Variants in SPG7 observed in about 807,000 individuals in gnomAD.
The protein encoded by SPG7 is SPG7 matrix AAA peptidase subunit, paraplegin.
SPG7 carries 103 observed loss-of-function variants against 81.9 expected under a neutral mutation model. That is an observed-to-expected ratio of 1.26 (90% CI 1.07 to 1.48). SPG7 has a LOEUF of 1.48. Ranked by LOEUF, SPG7 falls within the 40% of genes most tolerant of loss-of-function variation. The pLI, the probability that SPG7 is intolerant of heterozygous loss-of-function variation, is 0.00. For missense variants in SPG7, 1,241 were observed against 1,087.3 expected, an observed-to-expected ratio of 1.14 and a Z score of -1.99; for synonymous variants, 534 against 444.2, an observed-to-expected ratio of 1.20 and a Z score of -2.54.
At chr16:89,547,178 G>A (rs907373335) in intron 11 of SPG7, 3 of 236,066 alleles carry the variant, frequency 1.3e-5, no homozygotes, top group African/African-American at 6.7e-5. Flanking sequence ...TTCCTGCTGT[G>A]TGGTTCACAT....
intron 16 of SPG7, chr16:89,555,518 C>G (rs1183512071): frequency 5.3e-6 from 1 of 190,372 alleles, no homozygotes; most frequent in African/African-American, 2.3e-5. Context: ...GTTGGGTCCA[C>G]ACGTGATTCA....
At position 89,557,016 on chromosome 16, in the gene SPG7, CAG is replaced by C. The variant is rs774035870; in HGVS notation, c.2312_2313del (p.Gln771ArgfsTer62). 1 of 1,613,590 alleles carries C rather than the reference CAG, an allele frequency of 6.2e-7. No homozygotes were observed. Among genetic ancestry groups the C allele is most frequent in the South Asian group, 1.1e-5 (1 of 91,060 alleles). On this transcript the variant is annotated frameshift_variant, in exon 17 of 17. Coordinates refer to ENST00000645818, the MANE Select transcript of SPG7 (RefSeq NM_003119.4). LOFTEE classifies it low-confidence loss of function (END_TRUNC). ...GTGGATCGACGCCCAGAGGGAGAAA[CAG>C]GACTTGGGCGAGGAGGAGACCGAAG... Reference protein sequence around the residue: ...QRWIDAQREKQDLGEEETEET... With the variant: ...QRWIDAQREKXDLGEEETEET...
chr16:89,511,919 A>G (rs200190035), intron 2 of SPG7, among the ~76,000 whole-genome samples: 2 of 144,786 alleles, frequency 1.4e-5, no homozygotes, highest in Non-Finnish European at 3.0e-5. Context: ...GTTGTTTATT[A>G]TTATTTTTTT....
In SPG7 at chr16:89,554,588, G is replaced by A. The variant is rs376260661; in HGVS notation, c.2181+25G>A. The A allele has an allele frequency of 2.2e-5, 35 of 1,558,008 alleles. 1 individual carries two copies. The South Asian group carries it at 3.2e-4, about 14-fold the overall frequency. On this transcript the variant is annotated intron_variant, in intron 16 of 16. Transcript: ENST00000645818. Reference sequence around the variant, plus strand: ...GGTGAGGCCCTGGCCAGGCGTGGGGGCTACGGCGTCACACAGTGTCCACAC... The same window carrying A: ...GGTGAGGCCCTGGCCAGGCGTGGGGACTACGGCGTCACACAGTGTCCACAC...
At chr16:89,537,544 T>C (rs1432834862) in intron 9 of SPG7, 36 of 987,616 alleles carry the variant, frequency 3.6e-5, no homozygotes, top group South Asian at 2.8e-4. Flanking sequence ...ACTTTTTTTT[T>C]CTTCAGAGAC....
intron 3 of SPG7, chr16:89,518,630 C>T (rs1276824186): frequency 1.3e-5 from 2 of 151,906 alleles, no homozygotes; most frequent in African/African-American, 4.8e-5. Context: ...TCACTGATAA[C>T]GCGGGTGAAC....
At position 89,554,681 on chromosome 16, in the gene SPG7, A is replaced by G. The variant is rs111682221; in HGVS notation, c.2181+118A>G. ...CACACAGAGTACAGAGAACACTCTG[A>G]CCGATGTGAATTCTACCCAGCTCAA... is the stretch of plus-strand genomic sequence containing the variant. On this transcript the variant is annotated intron_variant, in intron 16 of 16. Coordinates refer to ENST00000645818, the MANE Select transcript of SPG7 (RefSeq NM_003119.4). 1.9e-3 allele frequency: 1,381 copies of G among 724,808 alleles called. 16 individuals are homozygous for G. In the African/African-American group the frequency reaches 0.022, roughly 11 times the overall value. The allele number at this position is 724,808 out of a possible 1,614,324, so 44.9% of individuals were successfully genotyped here.
Position 89,531,024 on chromosome 16 carries a change from A to G in SPG7, c.987+216A>G, listed in dbSNP as rs113166127. 2,730 of 664,732 alleles carry G rather than the reference A, an allele frequency of 4.1e-3. 58 individuals carry two copies. In the African/African-American group the frequency reaches 0.042, roughly 10 times the overall value. The allele number at this position is 664,732 out of a possible 1,614,324, so 41.2% of individuals were successfully genotyped here. On this transcript the variant is annotated intron_variant, in intron 7 of 16. Coordinates refer to ENST00000645818, the MANE Select transcript of SPG7 (RefSeq NM_003119.4). ...ATGGTTCAGCCAAGCAGAGGCTGCC[A>G]AGACCCATGCCTACTGTGCCGTTAG... is the stretch of plus-strand genomic sequence containing the variant.
In SPG7 at chr16:89,508,451, C is replaced by G; in HGVS notation, c.34C>G (p.Arg12Gly). The G allele has an allele frequency of 2.0e-6, 3 of 1,503,328 alleles. No individual in the cohort carries two copies. Among genetic ancestry groups the G allele is most frequent in the Non-Finnish European group, 2.6e-6 (3 of 1,133,206 alleles). The allele number at this position is 1,503,328 out of a possible 1,614,324, so 93.1% of individuals were successfully genotyped here. A position where few individuals can be genotyped will look rare whatever the true frequency, so the allele number is the denominator to read the frequency against. ...AVLLLLLRALRRGPGPGPRPL... is the reference protein window; with the variant it reads ...AVLLLLLRALGRGPGPGPRPL... ...GCTGCTGCTGCTGCTCCGTGCCCTCCGCCGGGGTCCAGGCCCGGGTCCTCG... is the reference window on the plus strand; with the variant it reads ...GCTGCTGCTGCTGCTCCGTGCCCTCGGCCGGGGTCCAGGCCCGGGTCCTCG... The change falls in exon 1 of 17, where the codon CGC (arginine) becomes GGC (glycine). Residue 12 changes from arginine (R) to glycine (G), a missense_variant. Physicochemically the swap from Arg to Gly is moderately radical, Grantham distance 125 (BLOSUM62 -2). Transcript: ENST00000645818.
intron 16 of SPG7, 66 bp from the exon 17 acceptor site, chr16:89,556,821 C>A: frequency 7.6e-7 from 1 of 1,317,794 alleles, no homozygotes; most frequent in Non-Finnish European, 1.1e-6. Context: ...CTTGCCACCT[C>A]CCCAGGACAT....
intron 9 of SPG7, chr16:89,538,981 C>T (rs1216558947): frequency 6.8e-6 from 1 of 146,924 alleles, no homozygotes; most frequent in African/African-American, 2.7e-5. Flanking sequence ...TGTGGGAAAC[C>T]CAGGCAGGAG....
Position 89,508,485 on chromosome 16 carries a change from G to A in SPG7, c.68G>A (p.Trp23Ter). ...CCAGGCCCGGGTCCTCGGCCGCTGT[G>A]GGGCCCAGGCCCGGCCTGGAGTCCA... is the stretch of plus-strand genomic sequence containing the variant. ...RGPGPGPRPL[W>*]GPGPAWSPGF... The change falls in exon 1 of 17, where the codon TGG becomes TAG. Residue 23 changes from tryptophan to a stop codon, truncating the protein, a stop_gained. Transcript: ENST00000645818. LOFTEE classifies it high-confidence loss of function. The A allele has an allele frequency of 6.6e-7, 1 of 1,509,906 alleles. No homozygotes were observed. The highest frequency in any genetic ancestry group is 8.8e-7 in the Non-Finnish European group (1 of 1,136,008). 93.5% of individuals were successfully genotyped at this position (1,509,906 alleles called of 1,614,324 possible).
intron 6 of SPG7, chr16:89,529,805 C>G: frequency 1.7e-6 from 1 of 594,868 alleles, no homozygotes; most frequent in Admixed American, 2.7e-5. Flanking sequence ...GGTGCCTGAG[C>G]CTTGTGAGAT....
At chr16:89,512,732 C>T (rs78132813) in intron 2 of SPG7, among the ~76,000 whole-genome samples, 134 of 152,248 alleles carry the variant, frequency 8.8e-4, no homozygotes, top group African/African-American at 3.1e-3. Context: ...AGATATTTAA[C>T]GTAAGTTAAA....
chr16:89,528,242 A>AC (rs1436830677), intron 5 of SPG7, among the ~76,000 whole-genome samples: 14 of 151,456 alleles, frequency 9.2e-5, no homozygotes, highest in Admixed American at 9.2e-4. Context: ...TACAAAAAAA[A>AC]TTAGCCGGGT....
intron 16 of SPG7, chr16:89,555,926 C>T (rs563866828): frequency 1.0e-5 from 4 of 398,858 alleles, no homozygotes; most frequent in East Asian, 3.6e-5. Context: ...CTTAGACTGT[C>T]GTCCCCAGCC....
Position 89,552,652 on chromosome 16 carries a change from G to T in SPG7, c.1780-327G>T, listed in dbSNP as rs144736502. ...TCAGTAGCTGTCGCTGGTGTGAGGG[G>T]TCAGCGCAGCGGCCATCGGGGGTGA... On this transcript the variant is annotated intron_variant, in intron 13 of 16. Transcript: ENST00000645818. 3,402 of 380,260 alleles carry T rather than the reference G, an allele frequency of 8.9e-3. 40 individuals carry two copies. The highest frequency in any genetic ancestry group is 0.013 in the Non-Finnish European group (2,629 of 196,926). 23.6% of individuals were successfully genotyped at this position (380,260 alleles called of 1,614,324 possible).
In SPG7 at chr16:89,546,849, G is replaced by A. The variant is rs2152409943; in HGVS notation, c.1552+89G>A. 3.5e-6 allele frequency: 3 copies of A among 861,966 alleles called. No individual in the cohort carries two copies. The South Asian group carries it at 4.0e-5, about 11-fold the overall frequency. The allele number at this position is 861,966 out of a possible 1,614,324, so 53.4% of individuals were successfully genotyped here. A position where few individuals can be genotyped will look rare whatever the true frequency, so the allele number is the denominator to read the frequency against. ...AAACAGCATCGAGGCCTCCTCTGTG[G>A]GGTGGGCGCTGCTCCTTCTCTGGGG... On this transcript the variant is annotated intron_variant, in intron 11 of 16. Coordinates refer to ENST00000645818, the MANE Select transcript of SPG7 (RefSeq NM_003119.4).
intron 13 of SPG7, chr16:89,551,702 A>C (rs2058635696): frequency 6.6e-6 from 1 of 152,246 alleles, no homozygotes; most frequent in Non-Finnish European, 1.5e-5. Context: ...CAGCCTGGCC[A>C]ACCTGGTGAA....
Sources: allele counts gnomAD v4.1 joint callset (sites outside exome capture counted in the v4.1 genomes callset), GRCh38; gene constraint gnomAD v4.1.1; transcripts MANE v1.5; gene names NCBI Gene and HGNC (gene_info 2026-07-23, HGNC 2026-07-21).